The following YTHDF1 variants were observed in gnomAD, a reference collection of about 807,000 sequenced individuals.
YTHDF1 encodes the protein YTH domain-containing family protein 1.
In YTHDF1, 16 loss-of-function variants were observed where a neutral mutation model predicts 49.1. That is an observed-to-expected ratio of 0.33 (90% CI 0.22 to 0.49). The LOEUF (loss-of-function observed/expected upper bound fraction) is 0.49. YTHDF1 is among the 20% of genes least tolerant of loss of function. The pLI is 0.99. For synonymous variants in YTHDF1, 313 were observed against 290.1 expected (o/e 1.08, Z -0.80); for missense variants, 621 against 744.3 (o/e 0.83, Z 1.93).
At position 63,202,906 on chromosome 20, in the gene YTHDF1, C is replaced by T. The variant is rs757115194; in HGVS notation, c.1034G>A (p.Gly345Asp). 6.2e-6 allele frequency: 10 copies of T among 1,613,996 alleles called. No homozygotes were observed. The South Asian group carries it at 1.1e-4, about 18-fold the overall frequency. ...NAAFGQSGGA[G>D]SDSNSPGNVQ... is the part of the protein sequence containing the mutation. ...GTTTCCAGGAGAGTTGCTATCGCTG[C>T]CAGCCCCTCCGCTCTGCCCAAACGC... The change falls in exon 4 of 5, where the codon GGC becomes GAC. Residue 345 changes from glycine to aspartate, a missense_variant. Transcript: ENST00000370339.
intron 3 of YTHDF1, among the ~76,000 whole-genome samples, chr20:63,204,709 G>C (rs945825747): frequency 7.2e-5 from 11 of 152,316 alleles, no homozygotes; most frequent in African/African-American, 2.6e-4. Context: ...AGGCAAAAAG[G>C]TCTGCTAGAG....
intron 3 of YTHDF1, among the ~76,000 whole-genome samples, chr20:63,204,561 C>T (rs912659030): frequency 6.6e-6 from 1 of 152,246 alleles, no homozygotes; most frequent in Non-Finnish European, 1.5e-5. Flanking sequence ...CAAGAGAAAG[C>T]ATCCGAAGTG....
intron 4 of YTHDF1, among the ~76,000 whole-genome samples, chr20:63,201,449 T>G (rs1332119483): frequency 6.6e-6 from 1 of 152,206 alleles, no homozygotes; most frequent in African/African-American, 2.4e-5. Flanking sequence ...TTATGAAGTA[T>G]GTCAGCATCA....
intron 4 of YTHDF1, among the ~76,000 whole-genome samples, chr20:63,200,103 G>C (rs2066511008): frequency 6.6e-6 from 1 of 151,836 alleles, no homozygotes; most frequent in South Asian, 2.1e-4. Flanking sequence ...GCTCACACCT[G>C]TAATCCCAGC....
At chr20:63,215,695 C>G (rs964567630) in intron 1 of YTHDF1, 94 bp from the exon 2 acceptor site, 8 of 1,448,328 alleles carry the variant, frequency 5.5e-6, no homozygotes, top group Non-Finnish European at 7.2e-6. Flanking sequence ...TCCAACGGGC[C>G]GCGAGCTCCG....
At chr20:63,201,861 C>T (rs751826060) in intron 4 of YTHDF1, among the ~76,000 whole-genome samples, 1 of 152,220 alleles carries the variant, frequency 6.6e-6, no homozygotes. Flanking sequence ...CGATGCCCTA[C>T]GTGCCCACCG....
In YTHDF1 at chr20:63,213,930, C is replaced by A. The variant is rs778009857; in HGVS notation, c.66G>T (p.Ser22=). Residue 22 remains serine (S), a synonymous_variant, in exon 3 of 5, where the codon TCG becomes TCT. Coordinates refer to ENST00000370339, the MANE Select transcript of YTHDF1 (RefSeq NM_017798.4). ...KGQDNKVQNG[S]LHQKDTVHDN... ...CATGAACTGTATCCTTCTGATGTAA[C>A]GAACCATTTTGTACTAGAACAAAAA... The A allele has an allele frequency of 7.0e-6, 11 of 1,560,560 alleles. No homozygotes were observed. Among genetic ancestry groups the A allele is most frequent in the South Asian group, 4.8e-5 (4 of 83,250 alleles).
chr20:63,205,583 A>C (rs1348351795), intron 3 of YTHDF1, among the ~76,000 whole-genome samples: 1 of 151,092 alleles, frequency 6.6e-6, no homozygotes, highest in African/African-American at 2.4e-5. Context: ...ATCTCAGCTC[A>C]CTGCAACCTC....
chr20:63,208,498 G>A (rs1201867733), intron 3 of YTHDF1, among the ~76,000 whole-genome samples: 1 of 152,188 alleles, frequency 6.6e-6, no homozygotes, highest in Non-Finnish European at 1.5e-5. Context: ...TTTCAGGACT[G>A]GTCCCTCTGA....
In YTHDF1 at chr20:63,202,959, G is replaced by C. The variant is rs753348687; in HGVS notation, c.981C>G (p.Arg327=). ...CGTTTCTGTTGCGTGGGGCAACCCA[G>C]CGGGTCTGGGGTGGCTGCTGAGGGC... ...YQSPQQPPQT[R]WVAPRNRNAA... The change falls in exon 4 of 5, where the codon CGC becomes CGG. Residue 327 remains arginine, a synonymous_variant. Coordinates refer to ENST00000370339, the MANE Select transcript of YTHDF1 (RefSeq NM_017798.4). 1 of 1,613,982 alleles carries C rather than the reference G, an allele frequency of 6.2e-7. No homozygotes were observed. The highest frequency in any genetic ancestry group is 8.5e-7 in the Non-Finnish European group (1 of 1,180,052).
At chr20:63,201,605 G>T (rs533166717) in intron 4 of YTHDF1, among the ~76,000 whole-genome samples, 1 of 152,274 alleles carries the variant, frequency 6.6e-6, no homozygotes, top group Admixed American at 6.5e-5. Context: ...GTCTCAAAAA[G>T]GCCCAGTCAA....
At chr20:63,215,255 TG>T (rs1337441399) in intron 2 of YTHDF1, among the ~76,000 whole-genome samples, 2 of 152,202 alleles carry the variant, frequency 1.3e-5, no homozygotes, top group Admixed American at 1.3e-4. Flanking sequence ...CAGCCCCTGC[TG>T]GGCGGAAAAA....
chr20:63,215,476 G>T, intron 2 of YTHDF1, 101 bp downstream of exon 2: 8 of 1,517,246 alleles, frequency 5.3e-6, no homozygotes, highest in Non-Finnish European at 7.3e-6. Context: ...GAAGCTGGCG[G>T]AAGAGAGAAA....
intron 4 of YTHDF1, among the ~76,000 whole-genome samples, chr20:63,197,986 G>A (rs1289349313): frequency 6.6e-6 from 1 of 152,128 alleles, no homozygotes; most frequent in Non-Finnish European, 1.5e-5. Flanking sequence ...GGTGTTCCCT[G>A]TCCCGAGAAG....
chr20:63,211,471 A>G (rs1045693670), intron 3 of YTHDF1, among the ~76,000 whole-genome samples: 1 of 152,128 alleles, frequency 6.6e-6, no homozygotes, highest in African/African-American at 2.4e-5. Context: ...CTCCAACAAA[A>G]AAGGACCCAG....
intron 4 of YTHDF1, among the ~76,000 whole-genome samples, chr20:63,199,969 G>A (rs780315314): frequency 4.6e-5 from 7 of 152,172 alleles, no homozygotes; most frequent in East Asian, 1.9e-4. Flanking sequence ...CAGGAAGACC[G>A]CTTGAGCCCA....
At chr20:63,208,477 TTCAGA>T (rs1422686326) in intron 3 of YTHDF1, among the ~76,000 whole-genome samples, 1 of 152,204 alleles carries the variant, frequency 6.6e-6, no homozygotes, top group Non-Finnish European at 1.5e-5. Flanking sequence ...CTGCTCACTT[TTCAGA>T]TCTGTTTTCA....
At chr20:63,214,514 G>C (rs1389728942) in intron 2 of YTHDF1, among the ~76,000 whole-genome samples, 1 of 152,198 alleles carries the variant, frequency 6.6e-6, no homozygotes, top group Non-Finnish European at 1.5e-5. Context: ...TGTGCCCAAG[G>C]TAGTCGGGGG....
intron 4 of YTHDF1, among the ~76,000 whole-genome samples, chr20:63,199,370 T>A (rs1161986405): frequency 6.6e-6 from 1 of 151,948 alleles, no homozygotes; most frequent in Non-Finnish European, 1.5e-5. Context: ...GCACAAAAAA[T>A]TCGCTGGGCG....
Sources: gnomAD v4.1 joint callset for allele counts (sites outside exome capture counted in the v4.1 genomes callset) on GRCh38, gnomAD v4.1.1 for gene constraint, MANE v1.5 for transcripts, NCBI Gene and HGNC (gene_info 2026-07-23, HGNC 2026-07-21) for gene names.